NPAS3: variants seen among roughly 807,000 people sequenced by gnomAD.
The protein encoded by NPAS3 is neuronal PAS domain-containing protein 3.
NPAS3 carries 14 observed loss-of-function variants against 73.1 expected under a neutral mutation model. That is an observed-to-expected ratio of 0.19 (90% CI 0.13 to 0.30). The LOEUF (loss-of-function observed/expected upper bound fraction) is 0.30, where lower values mean the gene tolerates loss of function less well. NPAS3 is among the 10% of genes least tolerant of loss of function. The pLI is 1.00. For synonymous variants in NPAS3, 620 were observed against 541.5 expected, an observed-to-expected ratio of 1.14 and a Z score of -2.01; for missense variants, 1,096 against 1,250.0, an observed-to-expected ratio of 0.88 and a Z score of 1.86.
At chr14:33,293,187 T>G (rs1416651319) in intron 3 of NPAS3, among the ~76,000 whole-genome samples, 1 of 152,170 alleles carries the variant, frequency 6.6e-6, no homozygotes, top group African/African-American at 2.4e-5. Context: ...TACTCATAGT[T>G]TAATGATGAA....
Position 33,301,322 on chromosome 14 carries a change from A to ATATAT in NPAS3, c.386-65863_386-65862insATATT, listed in dbSNP as rs557118171. ...GTTTTATCATTATATATATATATAT[A>ATATAT]TTTTTTTTTTTTAAATCTAGCTGTA... On this transcript the variant is annotated intron_variant, in intron 3 of 11. Coordinates refer to ENST00000356141, the Ensembl canonical transcript of NPAS3. 4.9e-4 allele frequency among the ~76,000 whole-genome samples: 49 copies of ATATAT among 99,696 alleles called. 10 individuals carry two copies. The highest frequency in any genetic ancestry group is 2.1e-3 in the African/African-American group (48 of 23,298). The allele number at this position is 99,696 out of a possible 152,430, so 65.4% of individuals were successfully genotyped here. A position where few individuals can be genotyped will look rare whatever the true frequency, so the allele number is the denominator to read the frequency against.
intron 4 of NPAS3, among the ~76,000 whole-genome samples, chr14:33,515,735 C>T (rs2053266134): frequency 6.6e-6 from 1 of 152,094 alleles, no homozygotes; most frequent in Non-Finnish European, 1.5e-5. Context: ...CTCAACAGCA[C>T]TGGACACCAC....
chr14:33,412,066 GC>G (rs1423088380), intron 4 of NPAS3, among the ~76,000 whole-genome samples: 12 of 152,230 alleles, frequency 7.9e-5, no homozygotes, highest in African/African-American at 2.6e-4. Flanking sequence ...TTTAATCATA[GC>G]AGAAACACAA....
intron 3 of NPAS3, among the ~76,000 whole-genome samples, chr14:33,246,199 GA>G (rs1366917746): frequency 9.2e-5 from 14 of 152,116 alleles, no homozygotes; most frequent in Admixed American, 9.2e-4. Context: ...CAGACAGCAT[GA>G]GATAAGCTGA....
At chr14:33,279,598 G>T (rs1194253893) in intron 3 of NPAS3, among the ~76,000 whole-genome samples, 1 of 152,124 alleles carries the variant, frequency 6.6e-6, no homozygotes, top group East Asian at 1.9e-4. Flanking sequence ...TACTGAATCA[G>T]ATTCTGCAAT....
At chr14:33,517,263 A>C (rs376796185) in intron 4 of NPAS3, among the ~76,000 whole-genome samples, 2 of 152,074 alleles carry the variant, frequency 1.3e-5, no homozygotes, top group East Asian at 3.9e-4. Context: ...AGCACGGGTC[A>C]TCAACCTCTG....
intron 2 of NPAS3, among the ~76,000 whole-genome samples, chr14:33,196,587 T>C (rs1313330130): frequency 6.6e-6 from 1 of 152,180 alleles, no homozygotes; most frequent in East Asian, 1.9e-4. Context: ...CACCGAAATC[T>C]CCGCTATACA....
chr14:33,043,502 G>GT (rs951566950), intron 1 of NPAS3, among the ~76,000 whole-genome samples: 3 of 152,118 alleles, frequency 2.0e-5, no homozygotes, highest in African/African-American at 7.2e-5. Context: ...AAGCTGAAAT[G>GT]TTTTGGCTTC....
chr14:33,677,892 G>A (rs2072536662), intron 6 of NPAS3, among the ~76,000 whole-genome samples: 1 of 152,178 alleles, frequency 6.6e-6, no homozygotes, highest in Admixed American at 6.5e-5. Flanking sequence ...CGAGATAACT[G>A]GAACTGTTTT....
chr14:32,952,359 C>G (rs1427720963), intron 1 of NPAS3, among the ~76,000 whole-genome samples: 1 of 152,062 alleles, frequency 6.6e-6, no homozygotes, highest in Admixed American at 6.5e-5. Context: ...TTTCCTGAAG[C>G]TAATTTTGGC....
chr14:33,093,759 C>T lies in NPAS3; in HGVS notation c.140+37765C>T, dbSNP rs969764902. ...GATAGACTGGATTAAGAAAATGTAG[C>T]ACATATACACCATGGAATACTATGC... is the stretch of plus-strand genomic sequence containing the variant. On this transcript the variant is annotated intron_variant, in intron 2 of 11. Coordinates refer to ENST00000356141, the Ensembl canonical transcript of NPAS3. Among the ~76,000 whole-genome samples the T allele has an allele frequency of 3.9e-5, 6 of 152,118 alleles. No homozygotes were observed. The East Asian group carries it at 1.2e-3, about 29-fold the overall frequency.
At chr14:33,688,920 G>A (rs189897322) in intron 6 of NPAS3, among the ~76,000 whole-genome samples, 14 of 152,244 alleles carry the variant, frequency 9.2e-5, no homozygotes, top group Middle Eastern at 3.4e-3. Flanking sequence ...TTGTTCTATC[G>A]GATTTGTAGG....
rs890070309 is a variant in NPAS3 at position 33,494,929 on chromosome 14, C to T, written c.469-65192C>T. Among the ~76,000 whole-genome samples, 7 of 152,066 alleles carry T rather than the reference C, an allele frequency of 4.6e-5. No individual in the cohort carries two copies. The East Asian group carries it at 5.8e-4, about 13-fold the overall frequency. On this transcript the variant is annotated intron_variant, in intron 4 of 11. Transcript: ENST00000356141. ...AGCAATCACTGAGCCATGCACAACC[C>T]GCAGAGTCTCAGTTGGGATTTTTCT...
intron 2 of NPAS3, among the ~76,000 whole-genome samples, chr14:33,198,955 C>T (rs2046496248): frequency 6.6e-6 from 1 of 152,220 alleles, no homozygotes; most frequent in Non-Finnish European, 1.5e-5. Context: ...GAACCCAGGG[C>T]CGTCTCTGCA....
At chr14:33,138,488 T>C (rs1486043400) in intron 2 of NPAS3, among the ~76,000 whole-genome samples, 1 of 152,158 alleles carries the variant, frequency 6.6e-6, no homozygotes, top group East Asian at 1.9e-4. Context: ...AAAAGATTCA[T>C]TGGTTCAATG....
chr14:33,369,461 G>A (rs1278175890), intron 4 of NPAS3, among the ~76,000 whole-genome samples: 9 of 142,580 alleles, frequency 6.3e-5, no homozygotes, highest in African/African-American at 2.1e-4. Flanking sequence ...TTCAGAATAT[G>A]AGAAAAAAGA....
At chr14:33,353,622 C>T (rs1484902446) in intron 3 of NPAS3, among the ~76,000 whole-genome samples, 1 of 152,174 alleles carries the variant, frequency 6.6e-6, no homozygotes, top group Non-Finnish European at 1.5e-5. Flanking sequence ...TTTTTTGTAG[C>T]ATATTGGTAT....
intron 6 of NPAS3, among the ~76,000 whole-genome samples, chr14:33,732,155 T>C (rs2061417503): frequency 6.6e-6 from 1 of 152,230 alleles, no homozygotes; most frequent in Non-Finnish European, 1.5e-5. Context: ...AGAGCACTAT[T>C]CCTAAGGAGG....
intron 6 of NPAS3, among the ~76,000 whole-genome samples, chr14:33,678,385 G>GA (rs1336425176): frequency 1.3e-5 from 2 of 150,222 alleles, no homozygotes; most frequent in Non-Finnish European, 3.0e-5. Context: ...TCACACATGT[G>GA]AAGTCAATTA....
Sources: gnomAD v4.1 joint callset for allele counts (sites outside exome capture counted in the v4.1 genomes callset) on GRCh38, gnomAD v4.1.1 for gene constraint, MANE v1.5 for transcripts, NCBI Gene and HGNC (gene_info 2026-07-23, HGNC 2026-07-21) for gene names.